RBM33: variants seen among roughly 807,000 people sequenced by gnomAD.
The protein encoded by RBM33 is RNA-binding protein 33.
A neutral mutation model predicts 132.6 loss-of-function variants in RBM33; 28 were observed. That is an observed-to-expected ratio of 0.21 (90% CI 0.16 to 0.29). RBM33 has a LOEUF of 0.29. Ranked by LOEUF, RBM33 falls within the 10% of genes least tolerant of loss-of-function variation. The pLI is 1.00. For missense variants in RBM33, 1,291 were observed against 1,518.5 expected, an observed-to-expected ratio of 0.85 and a Z score of 2.49; for synonymous variants, 634 against 593.0, an observed-to-expected ratio of 1.07 and a Z score of -1.01.
At position 155,644,849 on chromosome 7, in the gene RBM33, A is replaced by T. The variant is rs960219298; in HGVS notation, c.-28A>T. On this transcript the variant is annotated 5_prime_UTR_variant, in exon 1 of 18. Transcript: ENST00000401878. ...GGCCCACCAGCTGGCTTGGTGGGGG[A>T]GGCTGAAGGCCGGGCCCCGCGAGTG... is the stretch of plus-strand genomic sequence containing the variant. The T allele has an allele frequency of 4.8e-6, 7 of 1,471,592 alleles. No individual in the cohort carries two copies. Among genetic ancestry groups the T allele is most frequent in the Non-Finnish European group, 6.3e-6 (7 of 1,115,424 alleles). The allele number at this position is 1,471,592 out of a possible 1,614,324, so 91.2% of individuals were successfully genotyped here.
intron 14 of RBM33, among the ~76,000 whole-genome samples, chr7:155,760,047 T>C (rs1266320871): frequency 6.6e-6 from 1 of 152,260 alleles, no homozygotes; most frequent in African/African-American, 2.4e-5. Flanking sequence ...CCTAGTATTC[T>C]GATGCTATAA....
chr7:155,710,647 CCTCT>C (rs1719223909), intron 7 of RBM33, among the ~76,000 whole-genome samples: 1 of 152,264 alleles, frequency 6.6e-6, no homozygotes, highest in South Asian at 2.1e-4. Flanking sequence ...CTGCCTTGCA[CCTCT>C]CTCTTCTTCA....
At chr7:155,674,511 G>A (rs373420335) in intron 3 of RBM33, among the ~76,000 whole-genome samples, 4 of 152,218 alleles carry the variant, frequency 2.6e-5, no homozygotes, top group South Asian at 4.1e-4. Flanking sequence ...TCTATCTCTA[G>A]GCAAGCCTCA....
intron 9 of RBM33, among the ~76,000 whole-genome samples, chr7:155,728,500 A>C (rs1800858214): frequency 6.6e-6 from 1 of 152,040 alleles, no homozygotes; most frequent in African/African-American, 2.4e-5. Context: ...TGCCTTGTTT[A>C]CTCACCCTGA....
intron 14 of RBM33, among the ~76,000 whole-genome samples, chr7:155,761,837 C>CG: frequency 6.6e-6 from 1 of 151,986 alleles, no homozygotes; most frequent in East Asian, 1.9e-4. Context: ...TTTTTGAGGA[C>CG]GGGGGACTAG....
chr7:155,673,940 G>GTTGTTTTTTGTTTTTTTTTTTTTT, intron 3 of RBM33, among the ~76,000 whole-genome samples: 6 of 54,214 alleles, frequency 1.1e-4, no homozygotes, highest in African/African-American at 4.1e-4. Flanking sequence ...TTTAGGCTTA[G>GTTGTTTTTTGTTTTTTTTTTTTTT]TTTTTTTTTT....
At chr7:155,708,345 T>G (rs1053514306) in intron 7 of RBM33, among the ~76,000 whole-genome samples, 3 of 152,210 alleles carry the variant, frequency 2.0e-5, no homozygotes, top group Admixed American at 6.5e-5. Context: ...TTTCCCTTCG[T>G]TGCTCCCTGT....
intron 7 of RBM33, among the ~76,000 whole-genome samples, chr7:155,707,683 T>G (rs1205981226): frequency 6.6e-6 from 1 of 151,950 alleles, no homozygotes; most frequent in Non-Finnish European, 1.5e-5. Flanking sequence ...TGATACAGAG[T>G]CTCCCCTCTG....
At position 155,774,972 on chromosome 7, in the gene RBM33, C is replaced by T. The variant is rs376718874; in HGVS notation, c.3465-21C>T. ...GCCGATGTGCAGGGTTAGTGTCGAT[C>T]GTTTCTTTAAATTTTCACAGGCATA... On this transcript the variant is annotated intron_variant, in intron 17 of 17. Transcript: ENST00000401878. The surrounding 1 kb of genome is among the most constrained non-coding windows in gnomAD (Gnocchi z 4.2). 114 of 1,611,910 alleles carry T rather than the reference C, an allele frequency of 7.1e-5. No individual in the cohort carries two copies. Among genetic ancestry groups the T allele is most frequent in the Admixed American group, 2.2e-4 (13 of 59,988 alleles).
At chr7:155,667,718 T>G (rs1175108247) in intron 2 of RBM33, among the ~76,000 whole-genome samples, 1 of 152,202 alleles carries the variant, frequency 6.6e-6, no homozygotes, top group Non-Finnish European at 1.5e-5. Flanking sequence ...AATTGGTTTG[T>G]GCTTTTTGTC....
chr7:155,662,471 T>C (rs949311981), intron 1 of RBM33, among the ~76,000 whole-genome samples: 2 of 152,092 alleles, frequency 1.3e-5, no homozygotes, highest in African/African-American at 4.8e-5. Flanking sequence ...TCAGTTTCTT[T>C]GGAGAGTTTT....
chr7:155,678,674 G>C lies in RBM33; in HGVS notation c.238G>C (p.Glu80Gln), dbSNP rs765927500. The C allele has an allele frequency of 1.1e-5, 17 of 1,549,464 alleles. No individual in the cohort carries two copies. The highest frequency in any genetic ancestry group is 1.5e-5 in the Non-Finnish European group (17 of 1,134,014). ...TTTGCAGAGTGATAATGAAGATGAA[G>C]AAAATTTCAGGTACTCAATATTACC... ...DLLQSDNEDEENFSSQGVTIS... is the reference protein window; with the variant it reads ...DLLQSDNEDEQNFSSQGVTIS... Residue 80 changes from glutamate (E) to glutamine (Q), a missense_variant, in exon 4 of 18, where the codon GAA becomes CAA. Coordinates refer to ENST00000401878, the MANE Select transcript of RBM33 (RefSeq NM_053043.3).
intron 3 of RBM33, among the ~76,000 whole-genome samples, chr7:155,673,794 A>C (rs1354373071): frequency 1.4e-5 from 2 of 143,168 alleles, no homozygotes; most frequent in Non-Finnish European, 3.0e-5. Context: ...ACACACACAC[A>C]CACACACCCC....
intron 16 of RBM33, among the ~76,000 whole-genome samples, chr7:155,767,618 A>T (rs1309123655): frequency 6.6e-6 from 1 of 152,202 alleles, no homozygotes; most frequent in East Asian, 1.9e-4. Context: ...CCAGAAACAT[A>T]CATGTTACTT....
At chr7:155,721,723 A>C (rs1156578265) in intron 9 of RBM33, among the ~76,000 whole-genome samples, 1 of 152,182 alleles carries the variant, frequency 6.6e-6, no homozygotes, top group South Asian at 2.1e-4. Context: ...ACCATTTTTC[A>C]TAGTGTGTAA....
chr7:155,742,560 G>A (rs1481957244), intron 13 of RBM33, among the ~76,000 whole-genome samples: 2 of 152,190 alleles, frequency 1.3e-5, no homozygotes, highest in African/African-American at 4.8e-5. Flanking sequence ...CCTGTGGGGT[G>A]TCATGTGCTG....
chr7:155,774,794 C>T lies in RBM33; in HGVS notation c.3464+147C>T. ...AGGGCACAAAGCGCAGACGGTGATC[C>T]TGTCATGAGGCGCGCGTCCTTTTGT... On this transcript the variant is annotated intron_variant, in intron 17 of 17. Coordinates refer to ENST00000401878, the MANE Select transcript of RBM33 (RefSeq NM_053043.3). The surrounding 1 kb of genome is among the most constrained non-coding windows in gnomAD (Gnocchi z 4.2). 2 of 815,652 alleles carry T rather than the reference C, an allele frequency of 2.5e-6. No individual in the cohort carries two copies. The highest frequency in any genetic ancestry group is 3.1e-5 in the South Asian group (2 of 64,936). 50.5% of individuals were successfully genotyped at this position (815,652 alleles called of 1,614,324 possible).
chr7:155,688,065 A>G (rs572719887), intron 5 of RBM33, among the ~76,000 whole-genome samples: 1,659 of 152,196 alleles, frequency 0.011, 29 homozygotes, highest in African/African-American at 0.038. Flanking sequence ...ATTACCTTGG[A>G]CAGTATGGCC....
chr7:155,704,488 C>T (rs1249660682), intron 6 of RBM33, among the ~76,000 whole-genome samples: 1 of 152,176 alleles, frequency 6.6e-6, no homozygotes, highest in Admixed American at 6.5e-5. Context: ...GAATGGTTCA[C>T]TGTGAAAATG....
Sources: allele counts gnomAD v4.1 joint callset (sites outside exome capture counted in the v4.1 genomes callset), GRCh38; gene constraint gnomAD v4.1.1; non-coding constraint Gnocchi (gnomAD v3.1); transcripts MANE v1.5; gene names NCBI Gene and HGNC (gene_info 2026-07-23, HGNC 2026-07-21).